FSTL4: variants seen among roughly 807,000 people sequenced by gnomAD.
The protein encoded by FSTL4 is follistatin-related protein 4.
In FSTL4, 28 loss-of-function variants were observed where a neutral mutation model predicts 78.2. That is an observed-to-expected ratio of 0.36 (90% CI 0.27 to 0.49). FSTL4 has a LOEUF of 0.49. Ranked by LOEUF, FSTL4 falls within the 20% of genes least tolerant of loss-of-function variation. The pLI, the probability that FSTL4 is intolerant of heterozygous loss-of-function variation, is 0.98. For missense variants in FSTL4, 922 were observed against 1,084.9 expected (o/e 0.85, Z 2.11); for synonymous variants, 422 against 440.5 (o/e 0.96, Z 0.53).
intron 3 of FSTL4, among the ~76,000 whole-genome samples, chr5:133,485,834 C>T (rs1758121522): frequency 6.6e-6 from 1 of 152,236 alleles, no homozygotes; most frequent in African/African-American, 2.4e-5. Context: ...ACCCACTGTA[C>T]ATGGACATGT....
intron 2 of FSTL4, among the ~76,000 whole-genome samples, chr5:133,596,083 T>TG (rs1389664225): frequency 6.6e-6 from 1 of 152,020 alleles, no homozygotes; most frequent in Non-Finnish European, 1.5e-5. Flanking sequence ...GGTTCTATGG[T>TG]GGGGGAGGAG....
chr5:133,514,178 CAATGATAATAAT>C (rs1199291715), intron 3 of FSTL4, among the ~76,000 whole-genome samples: 4,449 of 130,986 alleles, frequency 0.034, 226 homozygotes, highest in African/African-American at 0.11. Flanking sequence ...GACTCCGTCT[CAATGATAATAAT>C]AATAATAATA....
At chr5:133,390,016 A>G (rs1262685873) in intron 4 of FSTL4, among the ~76,000 whole-genome samples, 1 of 152,214 alleles carries the variant, frequency 6.6e-6, no homozygotes, top group Non-Finnish European at 1.5e-5. Context: ...ACCACTGTAG[A>G]CCAGGCCTTT....
intron 3 of FSTL4, among the ~76,000 whole-genome samples, chr5:133,492,943 A>G (rs1006469988): frequency 1.3e-5 from 2 of 151,942 alleles, no homozygotes; most frequent in Admixed American, 6.6e-5. Flanking sequence ...TTTCAGAGCT[A>G]TCTTCCTGTT....
chr5:133,817,070 G>A, the FSTL4 span, among the ~76,000 whole-genome samples: 1 of 152,252 alleles, frequency 6.6e-6, no homozygotes, highest in Non-Finnish European at 1.5e-5. Flanking sequence ...GGGCCAACCT[G>A]AGAAAGCAAC....
intron 2 of FSTL4, among the ~76,000 whole-genome samples, chr5:133,593,420 T>C (rs1760672106): frequency 6.6e-6 from 1 of 151,830 alleles, no homozygotes; most frequent in African/African-American, 2.4e-5. Context: ...TGAAGGACGG[T>C]AAAGGAGGGG....
chr5:133,778,486 G>A, the FSTL4 span, among the ~76,000 whole-genome samples: 1 of 152,188 alleles, frequency 6.6e-6, no homozygotes, highest in Admixed American at 6.5e-5. Flanking sequence ...GAGGCAAAGT[G>A]GACTCCAACT....
At chr5:133,767,745 G>C in the FSTL4 span, among the ~76,000 whole-genome samples, 1 of 152,196 alleles carries the variant, frequency 6.6e-6, no homozygotes, top group Non-Finnish European at 1.5e-5. Flanking sequence ...GTGATGCCTG[G>C]ATGCCATCAA....
the FSTL4 span, among the ~76,000 whole-genome samples, chr5:133,700,169 CCACACCAAACCAT>C: frequency 1.3e-5 from 2 of 151,886 alleles, no homozygotes; most frequent in African/African-American, 2.4e-5. Context: ...CACTGAACCA[CCACACCAAACCAT>C]CACACCAAAC....
intron 3 of FSTL4, among the ~76,000 whole-genome samples, chr5:133,430,966 T>C (rs1051800467): frequency 6.6e-6 from 1 of 152,234 alleles, no homozygotes; most frequent in African/African-American, 2.4e-5. Context: ...TTAAACTTCC[T>C]GGTGGACAAT....
At chr5:133,579,889 A>T (rs1255773875) in intron 2 of FSTL4, among the ~76,000 whole-genome samples, 2 of 152,156 alleles carry the variant, frequency 1.3e-5, no homozygotes, top group African/African-American at 4.8e-5. Context: ...AATGTGCCAG[A>T]GTCATGGTGG....
At chr5:133,822,198 T>C in the FSTL4 span, among the ~76,000 whole-genome samples, 1 of 152,182 alleles carries the variant, frequency 6.6e-6, no homozygotes, top group Non-Finnish European at 1.5e-5. Flanking sequence ...AAAGTGCACA[T>C]CTTTAATAAC....
the FSTL4 span, among the ~76,000 whole-genome samples, chr5:133,635,020 G>A: frequency 6.6e-6 from 1 of 151,960 alleles, no homozygotes; most frequent in East Asian, 1.9e-4. Context: ...GAAGGTAAAG[G>A]AATAAATAGT....
the FSTL4 span, among the ~76,000 whole-genome samples, chr5:133,763,113 C>T: frequency 6.6e-6 from 1 of 152,196 alleles, no homozygotes; most frequent in Non-Finnish European, 1.5e-5. Flanking sequence ...TGCTGAGAAC[C>T]ACTCATCTCC....
chr5:133,667,063 C>T, the FSTL4 span, among the ~76,000 whole-genome samples: 1 of 152,154 alleles, frequency 6.6e-6, no homozygotes, highest in Admixed American at 6.5e-5. Context: ...AAAAACTGAG[C>T]CTGTCCAAAC....
At chr5:133,505,127 A>G (rs1322051358) in intron 3 of FSTL4, among the ~76,000 whole-genome samples, 1 of 152,220 alleles carries the variant, frequency 6.6e-6, no homozygotes, top group African/African-American at 2.4e-5. Flanking sequence ...ATTAACAGAG[A>G]ATAGGCTGGA....
upstream of FSTL4, among the ~76,000 whole-genome samples, chr5:133,615,367 C>A (rs371141795): frequency 2.0e-5 from 3 of 152,220 alleles, no homozygotes; most frequent in African/African-American, 7.2e-5. Context: ...GAAGAGCCAG[C>A]CCTGTGCTTA....
At chr5:133,572,081 A>G (rs1024020288) in intron 2 of FSTL4, among the ~76,000 whole-genome samples, 7 of 152,144 alleles carry the variant, frequency 4.6e-5, no homozygotes, top group Admixed American at 1.3e-4. Context: ...TACAAACACA[A>G]CCATACCTAA....
At chr5:133,604,045 A>T in intron 1 of FSTL4, 52 bp from the exon 2 acceptor site, 1 of 1,351,818 alleles carries the variant, frequency 7.4e-7, no homozygotes. Context: ...GATGGATATA[A>T]TAAGTCACAG....
Sources: gnomAD v4.1 joint callset for allele counts (sites outside exome capture counted in the v4.1 genomes callset) on GRCh38, gnomAD v4.1.1 for gene constraint, MANE v1.5 for transcripts, NCBI Gene and HGNC (gene_info 2026-07-23, HGNC 2026-07-21) for gene names.